The following POR variants were observed in gnomAD, a reference collection of about 807,000 sequenced individuals.
POR encodes cytochrome p450 oxidoreductase.
POR carries 56 observed loss-of-function variants against 84.0 expected under a neutral mutation model. That is an observed-to-expected ratio of 0.67 (90% CI 0.54 to 0.83). POR has a LOEUF of 0.83. Ranked by LOEUF, POR falls within the 40% of genes least tolerant of loss-of-function variation. The pLI is 0.00. For synonymous variants in POR, 414 were observed against 400.5 expected (o/e 1.03, Z -0.40); for missense variants, 938 against 944.3 (o/e 0.99, Z 0.09).
chr7:75,916,109 T>G (rs1404162162), intron 1 of POR, among the ~76,000 whole-genome samples: 2 of 151,806 alleles, frequency 1.3e-5, no homozygotes, highest in Non-Finnish European at 2.9e-5. Context: ...GTTTGATTCT[T>G]GGCAAGCAAG....
intron 1 of POR, among the ~76,000 whole-genome samples, chr7:75,925,683 A>G (rs1436067867): frequency 6.6e-6 from 1 of 152,208 alleles, no homozygotes; most frequent in Non-Finnish European, 1.5e-5. Context: ...TGTGTGGAAA[A>G]GACCAACAAG....
chr7:75,938,638 G>C (rs1201400506), intron 1 of POR, among the ~76,000 whole-genome samples: 1 of 152,106 alleles, frequency 6.6e-6, no homozygotes, highest in Non-Finnish European at 1.5e-5. Context: ...GCATGCCTAT[G>C]GTCTCAGCTA....
At chr7:75,985,896 G>A (rs782180296) in intron 13 of POR, 27 bp from the exon 14 acceptor site, 13 of 1,562,478 alleles carry the variant, frequency 8.3e-6, no homozygotes, top group African/African-American at 2.7e-5. Flanking sequence ...TGGGAGCCCC[G>A]CGCTCACCCC....
At chr7:75,935,875 C>T (rs1171559179) in intron 1 of POR, among the ~76,000 whole-genome samples, 1 of 151,412 alleles carries the variant, frequency 6.6e-6, no homozygotes, top group Non-Finnish European at 1.5e-5. Context: ...GGAGCCACTC[C>T]CCCAATAGCG....
rs1055035119 is a variant in POR, at chr7:75,986,546, G to T, written c.*65G>T. 158 of 1,551,000 alleles carry T rather than the reference G, an allele frequency of 1.0e-4. No individual in the cohort carries two copies. The highest frequency in any genetic ancestry group is 1.3e-4 in the Non-Finnish European group (145 of 1,153,022). On this transcript the variant is annotated 3_prime_UTR_variant, in exon 16 of 16. Coordinates refer to ENST00000461988, the MANE Select transcript of POR (RefSeq NM_000941.3). ...TAATCAGCTCTCCTGGCTCCCTCCC[G>T]TAGTCTCCTGGGTGTGTTTGGCTTG...
chr7:75,968,905 C>T (rs931162028), intron 2 of POR, among the ~76,000 whole-genome samples: 3 of 152,328 alleles, frequency 2.0e-5, no homozygotes, highest in East Asian at 1.9e-4. Context: ...CGCCACTTGC[C>T]GGGCTTCTGG....
intron 3 of POR, among the ~76,000 whole-genome samples, chr7:75,976,547 A>T (rs897993115): frequency 1.3e-5 from 2 of 151,754 alleles, no homozygotes; most frequent in Non-Finnish European, 2.9e-5. Context: ...GAGCTTTGAG[A>T]CCAGCTGGAC....
intron 2 of POR, among the ~76,000 whole-genome samples, chr7:75,971,588 G>T (rs1200478938): frequency 6.6e-6 from 1 of 152,106 alleles, no homozygotes; most frequent in South Asian, 2.1e-4. Flanking sequence ...TGAGGCTGGC[G>T]GGCACCAGGC....
At chr7:75,977,289 T>C (rs904815878) in intron 3 of POR, among the ~76,000 whole-genome samples, 2 of 152,164 alleles carry the variant, frequency 1.3e-5, no homozygotes, top group Non-Finnish European at 2.9e-5. Flanking sequence ...AGCAGGTTGG[T>C]CTCTAAGATA....
At chr7:75,963,341 G>T (rs1349408005) in intron 2 of POR, among the ~76,000 whole-genome samples, 1 of 152,238 alleles carries the variant, frequency 6.6e-6, no homozygotes, top group African/African-American at 2.4e-5. Context: ...ACATGGGCCA[G>T]GGTGTTTCTG....
At chr7:75,955,962 G>C (rs1787668827) in intron 2 of POR, among the ~76,000 whole-genome samples, 1 of 152,146 alleles carries the variant, frequency 6.6e-6, no homozygotes, top group Admixed American at 6.5e-5. Context: ...ACACAACACA[G>C]TTCTTATACC....
At chr7:75,962,754 G>C (rs868990876) in intron 2 of POR, among the ~76,000 whole-genome samples, 21 of 152,160 alleles carry the variant, frequency 1.4e-4, no homozygotes, top group African/African-American at 4.8e-4. Flanking sequence ...CCTCCATCGG[G>C]TAATCAGCCT....
intron 3 of POR, among the ~76,000 whole-genome samples, chr7:75,975,169 T>C (rs1287580145): frequency 6.6e-6 from 1 of 151,036 alleles, no homozygotes; most frequent in East Asian, 1.9e-4. Flanking sequence ...TTTTTTTTTC[T>C]AGTACTTTTA....
At chr7:75,969,199 C>T (rs1357925900) in intron 2 of POR, among the ~76,000 whole-genome samples, 2 of 152,240 alleles carry the variant, frequency 1.3e-5, no homozygotes, top group African/African-American at 4.8e-5. Context: ...TGACCGCCTT[C>T]CAGGGAATGC....
chr7:75,967,971 G>A, intron 2 of POR: 1 of 450,398 alleles, frequency 2.2e-6, no homozygotes, highest in Non-Finnish European at 4.5e-6. Flanking sequence ...CACCAGTACG[G>A]AACAGGGGAT....
chr7:75,936,493 C>T (rs1458408812), intron 1 of POR, among the ~76,000 whole-genome samples: 2 of 152,108 alleles, frequency 1.3e-5, no homozygotes, highest in African/African-American at 2.4e-5. Flanking sequence ...ATGTGGAGCT[C>T]ATTTGGAATT....
At chr7:75,921,622 C>T (rs1023784798) in intron 1 of POR, among the ~76,000 whole-genome samples, 1 of 152,126 alleles carries the variant, frequency 6.6e-6, no homozygotes, top group Non-Finnish European at 1.5e-5. Flanking sequence ...CTTCCTGCTG[C>T]GCTGACCCGT....
At chr7:75,929,684 C>G (rs1554549947) in intron 1 of POR, among the ~76,000 whole-genome samples, 1 of 152,224 alleles carries the variant, frequency 6.6e-6, no homozygotes, top group African/African-American at 2.4e-5. Context: ...TCTGGCTTGT[C>G]TGTCTCATTA....
chr7:75,972,402 T>C lies in POR; in HGVS notation c.189-11T>C, dbSNP rs1213947303. 1.2e-6 allele frequency: 2 copies of C among 1,608,894 alleles called. No individual in the cohort carries two copies. Among genetic ancestry groups the C allele is most frequent in the African/African-American group, 1.3e-5 (1 of 74,880 alleles). On this transcript the variant is annotated splice_polypyrimidine_tract_variant and intron_variant, in intron 2 of 15. Transcript: ENST00000461988. ...TGCCTCCCACGCTCATTGCACACTT[T>C]TGTCTTGCAGGACCTCCTCTGTCAG...
Sources: gnomAD v4.1 joint callset for allele counts (sites outside exome capture counted in the v4.1 genomes callset) on GRCh38, gnomAD v4.1.1 for gene constraint, MANE v1.5 for transcripts, NCBI Gene and HGNC (gene_info 2026-07-23, HGNC 2026-07-21) for gene names.